Variants in ERC2 observed in about 807,000 individuals in gnomAD.
ERC2 encodes ELKS/RAB6-interacting/CAST family member 2, also known as ERC protein 2.
ERC2 carries 42 observed loss-of-function variants against 114.8 expected under a neutral mutation model. That is an observed-to-expected ratio of 0.37 (90% CI 0.29 to 0.47). The LOEUF (loss-of-function observed/expected upper bound fraction) is 0.47, where lower values mean the gene tolerates loss of function less well. Among genes scored for constraint, ERC2 ranks in the 20% least tolerant of loss-of-function variants. ERC2 has a pLI of 0.99. For synonymous variants in ERC2, 454 were observed against 425.5 expected (o/e 1.07, Z -0.82); for missense variants, 939 against 1,150.7 (o/e 0.82, Z 2.66).
chr3:55,905,463 C>T (rs1335475253), intron 13 of ERC2, among the ~76,000 whole-genome samples: 1 of 151,144 alleles, frequency 6.6e-6, no homozygotes, highest in Non-Finnish European at 1.5e-5. Context: ...TGCAGCATCC[C>T]TCCCGCCCCC....
At chr3:55,687,657 A>G (rs1279012120) in intron 16 of ERC2, among the ~76,000 whole-genome samples, 2 of 151,996 alleles carry the variant, frequency 1.3e-5, no homozygotes. Flanking sequence ...CAGTCTTCAG[A>G]CTCGCCTCCA....
At chr3:55,599,592 G>A (rs1453170807) in intron 17 of ERC2, among the ~76,000 whole-genome samples, 2 of 152,104 alleles carry the variant, frequency 1.3e-5, no homozygotes, top group African/African-American at 4.8e-5. Context: ...GATAAGTCAT[G>A]GAAAATGTAG....
At chr3:55,942,057 AT>A (rs1309213618) in intron 13 of ERC2, among the ~76,000 whole-genome samples, 4 of 152,252 alleles carry the variant, frequency 2.6e-5, no homozygotes, top group Admixed American at 2.0e-4. Flanking sequence ...GATTTTAACC[AT>A]TCAAATCCTA....
At chr3:56,459,995 G>C (rs2063238398) in intron 1 of ERC2, among the ~76,000 whole-genome samples, 1 of 152,064 alleles carries the variant, frequency 6.6e-6, no homozygotes, top group Non-Finnish European at 1.5e-5. Flanking sequence ...AAGAGGTTAA[G>C]AGCAGAACTT....
chr3:55,890,566 T>C (rs2063553338), intron 13 of ERC2, among the ~76,000 whole-genome samples: 1 of 152,166 alleles, frequency 6.6e-6, no homozygotes, highest in Non-Finnish European at 1.5e-5. Flanking sequence ...GGGCAAACAC[T>C]AGCTAGTTCT....
At chr3:55,699,125 A>G (rs1257969053) in intron 16 of ERC2, among the ~76,000 whole-genome samples, 2 of 152,332 alleles carry the variant, frequency 1.3e-5, no homozygotes, top group East Asian at 3.9e-4. Context: ...TAGACTACAT[A>G]TCTATGAAAG....
At chr3:55,732,341 G>A (rs74744162) in intron 15 of ERC2, among the ~76,000 whole-genome samples, 3,246 of 152,252 alleles carry the variant, frequency 0.021, 81 homozygotes, top group African/African-American at 0.059. Flanking sequence ...GGTGGGTGGG[G>A]TGAGGAAGGA....
At chr3:56,030,155 A>G (rs1387845823) in intron 7 of ERC2, among the ~76,000 whole-genome samples, 2 of 152,134 alleles carry the variant, frequency 1.3e-5, no homozygotes, top group African/African-American at 4.8e-5. Flanking sequence ...GTTTTATTAC[A>G]TTAAGATCAT....
intron 4 of ERC2, among the ~76,000 whole-genome samples, chr3:56,154,252 G>A (rs771494134): frequency 2.2e-4 from 33 of 151,920 alleles, no homozygotes; most frequent in South Asian, 4.2e-4. Context: ...TAAAAAGAAC[G>A]AATACCAAAA....
At chr3:56,113,512 T>C (rs902713306) in intron 6 of ERC2, among the ~76,000 whole-genome samples, 1 of 152,192 alleles carries the variant, frequency 6.6e-6, no homozygotes, top group Non-Finnish European at 1.5e-5. Flanking sequence ...TATATGTGTG[T>C]GTGTGTTCTC....
intron 1 of ERC2, among the ~76,000 whole-genome samples, chr3:56,444,458 G>T (rs1274775490): frequency 2.6e-5 from 4 of 152,116 alleles, no homozygotes; most frequent in African/African-American, 9.7e-5. Context: ...AAGTCCAAGG[G>T]TAAGTTCCGC....
chr3:56,345,800 G>A (rs2058284611), intron 2 of ERC2, among the ~76,000 whole-genome samples: 1 of 152,176 alleles, frequency 6.6e-6, no homozygotes, highest in Non-Finnish European at 1.5e-5. Flanking sequence ...GAATATTGTG[G>A]GATGGTTGAG....
chr3:56,441,312 G>A (rs528308226), intron 1 of ERC2, among the ~76,000 whole-genome samples: 208 of 152,256 alleles, frequency 1.4e-3, no homozygotes, highest in African/African-American at 4.7e-3. Context: ...CCCAGCCACC[G>A]TCTTTAATCA....
chr3:55,943,900 A>G (rs2066967979), intron 13 of ERC2, among the ~76,000 whole-genome samples: 1 of 152,162 alleles, frequency 6.6e-6, no homozygotes, highest in Non-Finnish European at 1.5e-5. Flanking sequence ...CTCTCTCTCT[A>G]GAACTGAGCA....
intron 17 of ERC2, among the ~76,000 whole-genome samples, chr3:55,641,194 T>A (rs1316689068): frequency 6.6e-6 from 1 of 152,168 alleles, no homozygotes; most frequent in Non-Finnish European, 1.5e-5. Flanking sequence ...CCCAATGCCA[T>A]TGTTTTTAGC....
intron 7 of ERC2, among the ~76,000 whole-genome samples, chr3:56,050,134 T>C (rs1296856192): frequency 6.6e-6 from 1 of 152,308 alleles, no homozygotes; most frequent in African/African-American, 2.4e-5. Flanking sequence ...GTGATGGTCA[T>C]GGGACTGTAT....
At chr3:55,995,329 CTCAA>C (rs71099607) in intron 10 of ERC2, among the ~76,000 whole-genome samples, 33,154 of 150,914 alleles carry the variant, frequency 0.22, 4,344 homozygotes, top group Admixed American at 0.3. Context: ...GATACTCCAT[CTCAA>C]TCAATCAATC....
intron 17 of ERC2, among the ~76,000 whole-genome samples, chr3:55,613,689 G>A (rs1320972999): frequency 1.3e-5 from 2 of 152,084 alleles, no homozygotes; most frequent in African/African-American, 4.8e-5. Context: ...AACTCAAGAC[G>A]TGGCTGTGGC....
At chr3:55,717,784 A>T (rs1017316984) in intron 15 of ERC2, among the ~76,000 whole-genome samples, 12 of 152,180 alleles carry the variant, frequency 7.9e-5, no homozygotes, top group African/African-American at 2.7e-4. Context: ...AAACAACCAT[A>T]AAAGTTAGAC....
Sources: allele counts gnomAD v4.1 joint callset (sites outside exome capture counted in the v4.1 genomes callset), GRCh38; gene constraint gnomAD v4.1.1; transcripts MANE v1.5; gene names NCBI Gene and HGNC (gene_info 2026-07-23, HGNC 2026-07-21).